The following EPB41L5 variants were observed in gnomAD, a reference collection of about 807,000 sequenced individuals.
EPB41L5 encodes erythrocyte membrane protein band 4.1 like 5, also known as band 4.1-like protein 5.
In EPB41L5, 55 loss-of-function variants were observed where a neutral mutation model predicts 106.6. That is an observed-to-expected ratio of 0.52 (90% CI 0.42 to 0.65). The LOEUF is 0.65. Among genes scored for constraint, EPB41L5 ranks in the 30% least tolerant of loss-of-function variants. The pLI is 0.00. For synonymous variants in EPB41L5, 297 were observed against 306.7 expected (o/e 0.97, Z 0.33); for missense variants, 871 against 882.1 (o/e 0.99, Z 0.16).
intron 3 of EPB41L5, among the ~76,000 whole-genome samples, chr2:120,048,513 T>C (rs1325824848): frequency 6.6e-6 from 1 of 152,200 alleles, no homozygotes; most frequent in Non-Finnish European, 1.5e-5. Flanking sequence ...ATATCCCCTT[T>C]ATCATTTTTT....
At chr2:120,084,032 G>A (rs1682882658) in intron 10 of EPB41L5, among the ~76,000 whole-genome samples, 1 of 152,124 alleles carries the variant, frequency 6.6e-6, no homozygotes, top group Admixed American at 6.5e-5. Flanking sequence ...ACAGCACACT[G>A]GTGGGTCTTG....
intron 3 of EPB41L5, among the ~76,000 whole-genome samples, chr2:120,060,732 C>T (rs1001177170): frequency 6.6e-6 from 1 of 152,114 alleles, no homozygotes; most frequent in Non-Finnish European, 1.5e-5. Flanking sequence ...TAAAATGACA[C>T]AGAACTATAC....
chr2:120,034,251 ATTCT>A (rs1678902964), intron 2 of EPB41L5, among the ~76,000 whole-genome samples: 1 of 152,244 alleles, frequency 6.6e-6, no homozygotes, highest in Non-Finnish European at 1.5e-5. Flanking sequence ...GCAGAAGCCC[ATTCT>A]TTCTCACCTT....
intron 16 of EPB41L5, among the ~76,000 whole-genome samples, chr2:120,125,487 C>A (rs1685418376): frequency 6.6e-6 from 1 of 152,144 alleles, no homozygotes; most frequent in Non-Finnish European, 1.5e-5. Flanking sequence ...TAAGAACACT[C>A]CCTGTGCCAC....
At chr2:120,044,213 C>G (rs72840493) in intron 3 of EPB41L5, among the ~76,000 whole-genome samples, 6,965 of 149,518 alleles carry the variant, frequency 0.047, 230 homozygotes, top group Non-Finnish European at 0.072. Context: ...TTCATAGTTT[C>G]AGAGTTTCTA....
chr2:120,081,444 CTCTGT>C (rs925804609), intron 10 of EPB41L5, among the ~76,000 whole-genome samples: 4 of 152,142 alleles, frequency 2.6e-5, no homozygotes, highest in Non-Finnish European at 4.4e-5. Context: ...TTTCCGAGGG[CTCTGT>C]TCTGTTCCAT....
At chr2:120,126,164 TATACTA>T (rs1224238144) in intron 16 of EPB41L5, among the ~76,000 whole-genome samples, 5 of 152,146 alleles carry the variant, frequency 3.3e-5, no homozygotes, top group East Asian at 1.9e-4. Flanking sequence ...GATATTAACT[TATACTA>T]ATATATATAC....
chr2:120,106,115 A>G, intron 16 of EPB41L5: 1 of 985,162 alleles, frequency 1.0e-6, no homozygotes, highest in African/African-American at 1.7e-5. Flanking sequence ...AATTTGAGTT[A>G]ATCAGTACTG....
At chr2:120,068,625 A>T (rs1681625378) in intron 3 of EPB41L5, among the ~76,000 whole-genome samples, 1 of 152,206 alleles carries the variant, frequency 6.6e-6, no homozygotes, top group Non-Finnish European at 1.5e-5. Flanking sequence ...TGTCATAATG[A>T]CAGGATCAAA....
intron 10 of EPB41L5, 68 bp from the exon 11 acceptor site, chr2:120,087,103 A>T: frequency 9.9e-7 from 1 of 1,011,496 alleles, no homozygotes; most frequent in Non-Finnish European, 1.5e-6. Context: ...TTGAAATAAA[A>T]ACAATTTTTT....
intron 24 of EPB41L5, among the ~76,000 whole-genome samples, chr2:120,173,968 C>G (rs1687815355): frequency 6.6e-6 from 1 of 152,232 alleles, no homozygotes; most frequent in South Asian, 2.1e-4. Context: ...CGTGCGCCAC[C>G]TTACCCAGCG....
rs763880540 is a variant in EPB41L5, at chr2:120,018,426, C to T, written c.-8-651C>T. Among the ~76,000 whole-genome samples, 54 of 152,116 alleles carry T rather than the reference C, an allele frequency of 3.5e-4. 2 individuals carry two copies. Among genetic ancestry groups the T allele is most frequent in the Non-Finnish European group, 2.5e-4 (17 of 68,002 alleles). Reference sequence around the variant, plus strand: ...CAAATCAGTTCCTGATAAAATGGTCCGGTAAATTTAGAAAGCTCCAAACTG... The same window carrying T: ...CAAATCAGTTCCTGATAAAATGGTCTGGTAAATTTAGAAAGCTCCAAACTG... On this transcript the variant is annotated intron_variant, in intron 1 of 24. Coordinates refer to ENST00000263713, the MANE Select transcript of EPB41L5 (RefSeq NM_020909.4).
chr2:120,057,705 A>G (rs1398602476), intron 3 of EPB41L5, among the ~76,000 whole-genome samples: 3 of 148,596 alleles, frequency 2.0e-5, no homozygotes, highest in African/African-American at 7.4e-5. Flanking sequence ...AGATATTTTT[A>G]TGGTAATATA....
chr2:120,090,905 A>G (rs922318708), intron 12 of EPB41L5, among the ~76,000 whole-genome samples: 1 of 152,184 alleles, frequency 6.6e-6, no homozygotes, highest in African/African-American at 2.4e-5. Context: ...CCTGAAGGTC[A>G]TTATTCTCAT....
At chr2:120,065,847 T>A (rs939862597) in intron 3 of EPB41L5, among the ~76,000 whole-genome samples, 4 of 152,196 alleles carry the variant, frequency 2.6e-5, no homozygotes, top group Non-Finnish European at 5.9e-5. Flanking sequence ...TTCTATTTTT[T>A]AAAAAATTGT....
chr2:120,065,786 G>A (rs1681407769), intron 3 of EPB41L5, among the ~76,000 whole-genome samples: 1 of 152,192 alleles, frequency 6.6e-6, no homozygotes, highest in Non-Finnish European at 1.5e-5. Context: ...AAAGTGCTGG[G>A]ATTGCAGGTG....
intron 3 of EPB41L5, among the ~76,000 whole-genome samples, chr2:120,050,621 G>C (rs1680174674): frequency 6.6e-6 from 1 of 152,126 alleles, no homozygotes; most frequent in Admixed American, 6.5e-5. Flanking sequence ...CTTTAGCTCG[G>C]AGAAGTTTGA....
chr2:120,167,951 A>G lies in EPB41L5; in HGVS notation c.2079A>G (p.Lys693=). The G allele has an allele frequency of 6.2e-7, 1 of 1,614,178 alleles. No homozygotes were observed. Among genetic ancestry groups the G allele is most frequent in the Non-Finnish European group, 8.5e-7 (1 of 1,180,024 alleles). Residue 693 remains lysine, a synonymous_variant, in exon 24 of 25, where the codon AAA becomes AAG. Transcript: ENST00000263713. ...LLTGKEGHGN[K]DGISLISPPA... The stretch of plus-strand genomic sequence containing the variant: ...CAGGGAAGGAGGGACATGGTAATAA[A>G]GATGGAATCTCACTGATCTCTCCCC...
chr2:120,162,149 A>C (rs1243385461), intron 21 of EPB41L5, among the ~76,000 whole-genome samples: 2 of 152,234 alleles, frequency 1.3e-5, no homozygotes, highest in African/African-American at 4.8e-5. Context: ...CATAATAGGC[A>C]TGAAATATTT....
Sources: allele counts gnomAD v4.1 joint callset (sites outside exome capture counted in the v4.1 genomes callset), GRCh38; gene constraint gnomAD v4.1.1; transcripts MANE v1.5; gene names NCBI Gene and HGNC (gene_info 2026-07-23, HGNC 2026-07-21).